P3H2: variants seen among roughly 807,000 people sequenced by gnomAD.
P3H2 encodes the protein leprecan-like 1.
P3H2 carries 80 observed loss-of-function variants against 87.0 expected under a neutral mutation model. The observed-to-expected ratio is 0.92, with a 90% CI of 0.77 to 1.11. The LOEUF (loss-of-function observed/expected upper bound fraction) is 1.11, where lower values mean the gene tolerates loss of function less well. Among genes scored for constraint, P3H2 ranks in the 50% least tolerant of loss-of-function variants. P3H2 has a pLI of 0.00. For missense variants in P3H2, 1,001 were observed against 923.9 expected, an observed-to-expected ratio of 1.08 and a Z score of -1.08; for synonymous variants, 367 against 359.3, an observed-to-expected ratio of 1.02 and a Z score of -0.24.
intron 1 of P3H2, among the ~76,000 whole-genome samples, chr3:190,053,915 A>C (rs1209465430): frequency 2.0e-5 from 3 of 152,102 alleles, no homozygotes; most frequent in African/African-American, 7.2e-5. Context: ...AAATTTCAAA[A>C]CTGTAGCTTC....
intron 1 of P3H2, among the ~76,000 whole-genome samples, chr3:190,043,939 T>C (rs1725720522): frequency 6.6e-6 from 1 of 152,154 alleles, no homozygotes; most frequent in South Asian, 2.1e-4. Flanking sequence ...ATAGTGTTAT[T>C]TGGATGAATT....
At chr3:190,112,339 AAGAT>A (rs777738787) in intron 1 of P3H2, among the ~76,000 whole-genome samples, 1 of 152,250 alleles carries the variant, frequency 6.6e-6, no homozygotes, top group Non-Finnish European at 1.5e-5. Context: ...CAGTGGCAGA[AAGAT>A]AGAGAGCTGG....
At chr3:190,101,533 C>T (rs1434395940) in intron 1 of P3H2, among the ~76,000 whole-genome samples, 1 of 151,988 alleles carries the variant, frequency 6.6e-6, no homozygotes, top group African/African-American at 2.4e-5. Context: ...AAGACCAAAG[C>T]ATAATTCAGG....
At chr3:190,092,037 A>T (rs551626277) in intron 1 of P3H2, among the ~76,000 whole-genome samples, 1 of 152,298 alleles carries the variant, frequency 6.6e-6, no homozygotes, top group African/African-American at 2.4e-5. Flanking sequence ...GTTTGAGATC[A>T]GCCTGGTCAA....
At chr3:190,092,351 A>G (rs1727434932) in intron 1 of P3H2, among the ~76,000 whole-genome samples, 1 of 152,330 alleles carries the variant, frequency 6.6e-6, no homozygotes, top group African/African-American at 2.4e-5. Context: ...TACTAAAATA[A>G]CCCCAATGCC....
At chr3:189,970,446 A>C (rs1267966736) in intron 13 of P3H2, among the ~76,000 whole-genome samples, 1 of 151,444 alleles carries the variant, frequency 6.6e-6, no homozygotes, top group African/African-American at 2.4e-5. Context: ...CTTGAAAGAC[A>C]CCTTGTAGAA....
chr3:189,970,975 T>C, intron 12 of P3H2, 84 bp from the exon 13 acceptor site: 1 of 786,024 alleles, frequency 1.3e-6, no homozygotes. Context: ...GGTGATGTAC[T>C]GTCCAGCCTC....
chr3:190,066,190 CAT>C (rs1239929986), intron 1 of P3H2, among the ~76,000 whole-genome samples: 7 of 149,548 alleles, frequency 4.7e-5, no homozygotes, highest in African/African-American at 1.0e-4. Context: ...TATATACACA[CAT>C]ATATATATGA....
At chr3:190,006,733 T>C (rs1374765887) in intron 1 of P3H2, among the ~76,000 whole-genome samples, 1 of 152,178 alleles carries the variant, frequency 6.6e-6, no homozygotes, top group African/African-American at 2.4e-5. Context: ...ACTGAGGGTC[T>C]TGAAAAACAG....
rs1416939288 is a variant in P3H2, at chr3:190,020,727, C to T, written c.481-25285G>A. ...TTTTCCTATGCATGGTCTGGCTGGG[C>T]GGCTGCTACCCACACGTTGATTACT... On this transcript the variant is annotated intron_variant, in intron 1 of 14. Transcript: ENST00000319332. 1.5e-5 allele frequency among the ~76,000 whole-genome samples: 2 copies of T among 133,492 alleles called. 1 individual carries two copies. The highest frequency in any genetic ancestry group is 5.1e-4 in the East Asian group (2 of 3,914). The allele number at this position is 133,492 out of a possible 152,430, so 87.6% of individuals were successfully genotyped here. A position where few individuals can be genotyped will look rare whatever the true frequency, so the allele number is the denominator to read the frequency against.
At chr3:189,979,432 A>T (rs1230777495) in intron 8 of P3H2, among the ~76,000 whole-genome samples, 1 of 152,084 alleles carries the variant, frequency 6.6e-6, no homozygotes, top group African/African-American at 2.4e-5. Context: ...TGGCTCTAAA[A>T]TAAAAAAAAA....
intron 14 of P3H2, among the ~76,000 whole-genome samples, chr3:189,959,514 CTCT>C: frequency 6.7e-6 from 1 of 149,216 alleles, no homozygotes; most frequent in Non-Finnish European, 1.5e-5. Context: ...TGTTTGTTCT[CTCT>C]TCTTATTCAT....
At chr3:190,045,904 G>A (rs890418967) in intron 1 of P3H2, among the ~76,000 whole-genome samples, 2 of 152,048 alleles carry the variant, frequency 1.3e-5, no homozygotes, top group South Asian at 2.1e-4. Flanking sequence ...GGCAGATCAC[G>A]AGGTCAGGAG....
At chr3:190,109,670 G>A (rs1485117871) in intron 1 of P3H2, among the ~76,000 whole-genome samples, 1 of 152,134 alleles carries the variant, frequency 6.6e-6, no homozygotes, top group Non-Finnish European at 1.5e-5. Context: ...TATAAGCCAA[G>A]TGCTTTGCAT....
At chr3:190,098,160 C>T (rs1313329443) in intron 1 of P3H2, among the ~76,000 whole-genome samples, 2 of 152,162 alleles carry the variant, frequency 1.3e-5, no homozygotes, top group Non-Finnish European at 2.9e-5. Flanking sequence ...GTATACACTA[C>T]ATTTGTATAG....
intron 1 of P3H2, among the ~76,000 whole-genome samples, chr3:190,080,106 C>T (rs962319202): frequency 7.2e-5 from 11 of 152,038 alleles, no homozygotes; most frequent in South Asian, 2.1e-4. Flanking sequence ...GGAAAGTAAC[C>T]GTAGAATCTT....
chr3:190,036,767 C>A (rs1244707069), intron 1 of P3H2, among the ~76,000 whole-genome samples: 3 of 152,256 alleles, frequency 2.0e-5, no homozygotes, highest in South Asian at 4.1e-4. Context: ...ACCAGGGACA[C>A]CCTCTGCTCT....
chr3:190,036,138 T>C (rs1725416762), intron 1 of P3H2, among the ~76,000 whole-genome samples: 1 of 152,238 alleles, frequency 6.6e-6, no homozygotes, highest in Admixed American at 6.5e-5. Flanking sequence ...CCTTCCCACT[T>C]CTGTTGTTCT....
Position 189,989,045 on chromosome 3 carries a change from G to A in P3H2, c.824-7C>T, listed in dbSNP as rs778189132. 3.7e-6 allele frequency: 6 copies of A among 1,613,958 alleles called. No homozygotes were observed. In the East Asian group the frequency reaches 8.9e-5, roughly 24 times the overall value. ...AGCACCTGCATGTAGTGATCTGGAA[G>A]ACAAGAGCCAATACGTGTGTTCCTC... On this transcript the variant is annotated splice_polypyrimidine_tract_variant and splice_region_variant and intron_variant, in intron 3 of 14. Coordinates refer to ENST00000319332, the MANE Select transcript of P3H2 (RefSeq NM_018192.4).
Sources: gnomAD v4.1 joint callset for allele counts (sites outside exome capture counted in the v4.1 genomes callset) on GRCh38, gnomAD v4.1.1 for gene constraint, MANE v1.5 for transcripts, NCBI Gene and HGNC (gene_info 2026-07-23, HGNC 2026-07-21) for gene names.